Variants in ITGA9 observed in about 807,000 individuals in gnomAD.
ITGA9 encodes the protein integrin subunit alpha 9, also known as integrin alpha-9.
ITGA9 carries 56 observed loss-of-function variants against 127.8 expected under a neutral mutation model. The ratio of observed to expected loss-of-function variants is 0.44; its 90% CI spans 0.35 to 0.55. The LOEUF (loss-of-function observed/expected upper bound fraction) is 0.55, where lower values mean the gene tolerates loss of function less well. Among genes scored for constraint, ITGA9 ranks in the 20% least tolerant of loss-of-function variants. The pLI is 0.00. For missense variants in ITGA9, 1,196 were observed against 1,347.1 expected (o/e 0.89, Z 1.76); for synonymous variants, 508 against 514.5 (o/e 0.99, Z 0.17).
At chr3:37,795,771 A>G (rs1187848842) in intron 26 of ITGA9, among the ~76,000 whole-genome samples, 1 of 152,086 alleles carries the variant, frequency 6.6e-6, no homozygotes, top group East Asian at 1.9e-4. Flanking sequence ...TCCTCAGTCA[A>G]TCTTCTCCTT....
At chr3:37,773,400 G>A (rs1696868038) in intron 23 of ITGA9, among the ~76,000 whole-genome samples, 1 of 152,212 alleles carries the variant, frequency 6.6e-6, no homozygotes, top group Non-Finnish European at 1.5e-5. Flanking sequence ...GACAGACAGG[G>A]AATTTGGAGA....
chr3:37,755,721 T>C (rs527273457), intron 23 of ITGA9, among the ~76,000 whole-genome samples: 31 of 152,260 alleles, frequency 2.0e-4, no homozygotes, highest in African/African-American at 7.5e-4. Context: ...TTTTTTTAAA[T>C]AGCAATCTGG....
intron 15 of ITGA9, among the ~76,000 whole-genome samples, chr3:37,622,229 A>G (rs2125631938): frequency 6.7e-6 from 1 of 149,604 alleles, no homozygotes; most frequent in South Asian, 2.1e-4. Flanking sequence ...CTGGGACTAC[A>G]GGCGCCCGCC....
chr3:37,454,430 TTCA>T (rs1207511034), intron 1 of ITGA9, among the ~76,000 whole-genome samples: 14 of 152,238 alleles, frequency 9.2e-5, no homozygotes, highest in African/African-American at 3.4e-4. Context: ...CAGTCTGGCC[TTCA>T]GCTTGGTACC....
intron 15 of ITGA9, among the ~76,000 whole-genome samples, chr3:37,627,686 C>T (rs1370327534): frequency 6.6e-6 from 1 of 152,172 alleles, no homozygotes; most frequent in East Asian, 1.9e-4. Flanking sequence ...TGGGTGAATG[C>T]TGCTACAGTT....
Position 37,703,867 on chromosome 3 carries a change from C to T in ITGA9, c.2067+19852C>T, listed in dbSNP as rs530455704. ...AGTTTTCCTGATGAGGAAACCATGG[C>T]TTAGCAAGCTTAAGGAGGTGACTCA... On this transcript the variant is annotated intron_variant, in intron 18 of 27. Coordinates refer to ENST00000264741, the MANE Select transcript of ITGA9 (RefSeq NM_002207.3). 3.3e-5 allele frequency among the ~76,000 whole-genome samples: 5 copies of T among 152,218 alleles called. No homozygotes were observed. The South Asian group carries it at 8.3e-4, about 25-fold the overall frequency.
intron 26 of ITGA9, among the ~76,000 whole-genome samples, chr3:37,794,826 G>C (rs148740952): frequency 1.1e-3 from 169 of 152,308 alleles, no homozygotes; most frequent in African/African-American, 3.9e-3. Context: ...GTTCATCACA[G>C]CACAGACTTA....
intron 1 of ITGA9, among the ~76,000 whole-genome samples, chr3:37,469,667 A>G (rs1304328325): frequency 3.3e-5 from 5 of 152,004 alleles, no homozygotes; most frequent in Admixed American, 6.6e-5. Flanking sequence ...CTTTAGATAA[A>G]TGGAATCAGA....
Position 37,589,093 on chromosome 3 carries a change from C to T in ITGA9, c.1690-40094C>T, listed in dbSNP as rs78469571. Among the ~76,000 whole-genome samples, 400 of 152,288 alleles carry T rather than the reference C, an allele frequency of 2.6e-3. 1 individual carries two copies. The highest frequency in any genetic ancestry group is 0.014 in the Middle Eastern group (4 of 294). On this transcript the variant is annotated intron_variant, in intron 15 of 27. Transcript: ENST00000264741. ...TGTTCAACTGGAGCCTTGGCTTCCT[C>T]GTCTAGAAATTGGAGATAAAATGGT...
chr3:37,697,083 A>T (rs909936484), intron 18 of ITGA9, among the ~76,000 whole-genome samples: 1 of 152,152 alleles, frequency 6.6e-6, no homozygotes, highest in African/African-American at 2.4e-5. Context: ...GCCATGGCCT[A>T]AGACTGAGAC....
intron 15 of ITGA9, among the ~76,000 whole-genome samples, chr3:37,605,794 T>C (rs2125623085): frequency 6.6e-6 from 1 of 152,344 alleles, no homozygotes; most frequent in South Asian, 2.1e-4. Flanking sequence ...GTTTCTTTAC[T>C]GCCATCAGTG....
chr3:37,652,623 T>A (rs867800306), intron 16 of ITGA9, among the ~76,000 whole-genome samples: 1 of 152,182 alleles, frequency 6.6e-6, no homozygotes, highest in South Asian at 2.1e-4. Flanking sequence ...ACACTGACAC[T>A]CTGAGGTGCT....
Position 37,517,528 on chromosome 3 carries a change from C to G in ITGA9, c.1060C>G (p.Leu354Val). Residue 354 changes from leucine (L) to valine (V), a missense_variant, in exon 10 of 28, where the codon CTG becomes GTG. Coordinates refer to ENST00000264741, the MANE Select transcript of ITGA9 (RefSeq NM_002207.3). Reference sequence around the variant, plus strand: ...GGGAGCCCTCGAGGAGCAGCTGGCTCTGACTGGGGATGGTGCCTACAATGC... The same window carrying G: ...GGGAGCCCTCGAGGAGCAGCTGGCTGTGACTGGGGATGGTGCCTACAATGC... ...GNGALEEQLA[L>V]TGDGAYNAHF... 2 of 1,597,530 alleles carry G rather than the reference C, an allele frequency of 1.3e-6. No individual in the cohort carries two copies. Among genetic ancestry groups the G allele is most frequent in the Non-Finnish European group, 1.7e-6 (2 of 1,171,824 alleles).
intron 15 of ITGA9, among the ~76,000 whole-genome samples, chr3:37,624,984 A>C (rs560514351): frequency 3.4e-4 from 51 of 152,202 alleles, no homozygotes; most frequent in African/African-American, 1.1e-3. Context: ...AGATCACATA[A>C]CCTGCAAAGT....
chr3:37,656,746 C>T (rs151144549), intron 17 of ITGA9, among the ~76,000 whole-genome samples: 375 of 152,108 alleles, frequency 2.5e-3, no homozygotes, highest in African/African-American at 8.4e-3. Flanking sequence ...GAGTGATGAG[C>T]GAGGGCATCC....
In ITGA9 at chr3:37,579,651, A is replaced by G. The variant is rs539064173; in HGVS notation, c.1689+37066A>G. On this transcript the variant is annotated intron_variant, in intron 15 of 27. Coordinates refer to ENST00000264741, the MANE Select transcript of ITGA9 (RefSeq NM_002207.3). Reference sequence around the variant, plus strand: ...TAGAGAATGGATATTGGTTAGGCATATAGTCTCTGCCATGGTCTAGAATAT... The same window carrying G: ...TAGAGAATGGATATTGGTTAGGCATGTAGTCTCTGCCATGGTCTAGAATAT... 2.0e-5 allele frequency among the ~76,000 whole-genome samples: 3 copies of G among 152,304 alleles called. No individual in the cohort carries two copies. In the South Asian group the frequency reaches 6.2e-4, roughly 32 times the overall value.
At chr3:37,668,745 C>T (rs140399486) in intron 17 of ITGA9, among the ~76,000 whole-genome samples, 1 of 152,292 alleles carries the variant, frequency 6.6e-6, no homozygotes, top group Non-Finnish European at 1.5e-5. Flanking sequence ...AGCACCCCTC[C>T]CAAGTTTGTT....
At chr3:37,631,349 G>C (rs1559553888) in intron 16 of ITGA9, among the ~76,000 whole-genome samples, 1 of 152,178 alleles carries the variant, frequency 6.6e-6, no homozygotes, top group Admixed American at 6.5e-5. Context: ...TTAGTGAAAA[G>C]CATCTTGGAA....
At chr3:37,471,231 C>T (rs1307383461) in intron 2 of ITGA9, 97 bp downstream of exon 2, 2 of 1,358,158 alleles carry the variant, frequency 1.5e-6, no homozygotes, top group Non-Finnish European at 2.1e-6. Flanking sequence ...CTCACCCATC[C>T]ATCCTTCCCT....
Sources: allele counts gnomAD v4.1 joint callset (sites outside exome capture counted in the v4.1 genomes callset), GRCh38; gene constraint gnomAD v4.1.1; transcripts MANE v1.5; gene names NCBI Gene and HGNC (gene_info 2026-07-23, HGNC 2026-07-21).